UNC5C: variants seen among roughly 807,000 people sequenced by gnomAD.
UNC5C encodes netrin receptor UNC5C.
In UNC5C, 47 loss-of-function variants were observed where a neutral mutation model predicts 99.8. The observed-to-expected ratio is 0.47, with a 90% CI of 0.37 to 0.60. The LOEUF (loss-of-function observed/expected upper bound fraction) is 0.60. Among genes scored for constraint, UNC5C ranks in the 20% least tolerant of loss-of-function variants. UNC5C has a pLI of 0.00. For missense variants in UNC5C, 1,062 were observed against 1,165.9 expected (o/e 0.91, Z 1.30); for synonymous variants, 487 against 452.2 (o/e 1.08, Z -0.98).
At chr4:95,295,351 G>T (rs985996237) in intron 3 of UNC5C, among the ~76,000 whole-genome samples, 2 of 152,134 alleles carry the variant, frequency 1.3e-5, no homozygotes, top group African/African-American at 4.8e-5. Context: ...TAGGAAATTT[G>T]GCACTGCTGT....
chr4:95,538,382 C>T (rs1722831393), intron 1 of UNC5C, among the ~76,000 whole-genome samples: 1 of 152,140 alleles, frequency 6.6e-6, no homozygotes, highest in Admixed American at 6.6e-5. Context: ...TTTGAACATT[C>T]CTTTCCCTAA....
At position 95,289,689 on chromosome 4, in the gene UNC5C, T is replaced by C. The variant is rs183308078; in HGVS notation, c.491-11327A>G. Reference sequence around the variant, plus strand: ...AAATGTATCTTTCTTCCAATAATGATGGAAAGTGCTAATTATGTTGTCATA... The same window carrying C: ...AAATGTATCTTTCTTCCAATAATGACGGAAAGTGCTAATTATGTTGTCATA... On this transcript the variant is annotated intron_variant, in intron 3 of 15. Transcript: ENST00000453304. Among the ~76,000 whole-genome samples, 626 of 152,314 alleles carry C rather than the reference T, an allele frequency of 4.1e-3. 1 individual carries two copies. The highest frequency in any genetic ancestry group is 0.014 in the African/African-American group (601 of 41,576).
intron 1 of UNC5C, among the ~76,000 whole-genome samples, chr4:95,428,642 C>T (rs1746549169): frequency 6.6e-6 from 1 of 152,094 alleles, no homozygotes; most frequent in Admixed American, 6.6e-5. Context: ...TCATTTAAAA[C>T]ACATACCTAT....
In UNC5C at chr4:95,370,951, C is replaced by T. The variant is rs1239805458; in HGVS notation, c.125-35320G>A. Among the ~76,000 whole-genome samples, 7 of 152,098 alleles carry T rather than the reference C, an allele frequency of 4.6e-5. No individual in the cohort carries two copies. In the South Asian group the frequency reaches 6.2e-4, roughly 14 times the overall value. On this transcript the variant is annotated intron_variant, in intron 1 of 15. Coordinates refer to ENST00000453304, the MANE Select transcript of UNC5C (RefSeq NM_003728.4). ...AGCTATAGGTTTAAGCTTGTCTTGACGTTGTTTATCTAGTGATCACAATAC... is the reference window on the plus strand; with the variant it reads ...AGCTATAGGTTTAAGCTTGTCTTGATGTTGTTTATCTAGTGATCACAATAC...
intron 4 of UNC5C, among the ~76,000 whole-genome samples, chr4:95,261,764 C>G (rs1008565363): frequency 1.3e-5 from 2 of 149,886 alleles, no homozygotes; most frequent in African/African-American, 4.9e-5. Context: ...AGTGCGGTGG[C>G]GCGATCTCAG....
Position 95,202,417 on chromosome 4 carries a change from C to T in UNC5C, c.2136+314G>A, listed in dbSNP as rs374642721. Among the ~76,000 whole-genome samples the T allele has an allele frequency of 5.3e-5, 8 of 152,230 alleles. No individual in the cohort carries two copies. In the South Asian group the frequency reaches 6.2e-4, roughly 12 times the overall value. On this transcript the variant is annotated intron_variant, in intron 12 of 15. Transcript: ENST00000453304. The stretch of plus-strand genomic sequence containing the variant: ...ATGCCAATTCCTTTTATAGGAAGAA[C>T]GCAGCTGAGATAAACATGGAAGCAG...
intron 12 of UNC5C, among the ~76,000 whole-genome samples, chr4:95,191,916 C>T (rs1489974437): frequency 1.2e-4 from 16 of 136,670 alleles, no homozygotes; most frequent in African/African-American, 3.6e-4. Context: ...TTCACCCTTC[C>T]CCCTGCCCAC....
chr4:95,511,903 TGGAAGAAGATTCAAG>T (rs2149487634), intron 1 of UNC5C, among the ~76,000 whole-genome samples: 1 of 152,318 alleles, frequency 6.6e-6, no homozygotes, highest in South Asian at 2.1e-4. Flanking sequence ...GGGTATTGTC[TGGAAGAAGATTCAAG>T]GGAAGAAGGT....
chr4:95,518,778 C>T (rs961777563), intron 1 of UNC5C, among the ~76,000 whole-genome samples: 3 of 152,146 alleles, frequency 2.0e-5, no homozygotes, highest in African/African-American at 7.2e-5. Flanking sequence ...ACATTAACAT[C>T]TCTTTGATGA....
chr4:95,536,716 G>GA (rs1262983813), intron 1 of UNC5C, among the ~76,000 whole-genome samples: 1 of 152,034 alleles, frequency 6.6e-6, no homozygotes, highest in East Asian at 1.9e-4. Flanking sequence ...ATTTGAGTCT[G>GA]AAAAAAATAA....
At chr4:95,281,198 C>A (rs540091394) in intron 3 of UNC5C, among the ~76,000 whole-genome samples, 1 of 152,054 alleles carries the variant, frequency 6.6e-6, no homozygotes, top group Non-Finnish European at 1.5e-5. Flanking sequence ...TTAAATTAAT[C>A]AAGATATCAC....
At chr4:95,512,954 A>G (rs1441495693) in intron 1 of UNC5C, among the ~76,000 whole-genome samples, 2 of 152,220 alleles carry the variant, frequency 1.3e-5, no homozygotes, top group African/African-American at 4.8e-5. Context: ...AATTTACATT[A>G]CAGATGCTCT....
intron 1 of UNC5C, among the ~76,000 whole-genome samples, chr4:95,523,765 A>T (rs982388680): frequency 7.9e-5 from 12 of 152,202 alleles, no homozygotes; most frequent in African/African-American, 2.9e-4. Context: ...TTAGCATTCC[A>T]ATTACCAAAT....
chr4:95,395,405 A>G (rs1357719690), intron 1 of UNC5C, among the ~76,000 whole-genome samples: 1 of 152,122 alleles, frequency 6.6e-6, no homozygotes, highest in Non-Finnish European at 1.5e-5. Flanking sequence ...TATGTTCTTT[A>G]TTTTTTAAAA....
intron 1 of UNC5C, among the ~76,000 whole-genome samples, chr4:95,533,872 T>A (rs145793577): frequency 2.1e-3 from 325 of 152,338 alleles, no homozygotes; most frequent in African/African-American, 7.6e-3. Context: ...GTTTTGTTTT[T>A]TCCTCCCTGG....
At position 95,165,539 on chromosome 4, in the gene UNC5C, A is replaced by G. The variant is rs898869086; in HGVS notation, c.*3695T>C. 2.0e-5 allele frequency: 3 copies of G among 152,208 alleles called. No individual in the cohort carries two copies. Among genetic ancestry groups the G allele is most frequent in the Non-Finnish European group, 2.9e-5 (2 of 68,032 alleles). 9.4% of individuals were successfully genotyped at this position (152,208 alleles called of 1,614,324 possible). ...GTTATCAATTCTGAATCCAACTTCT[A>G]TTCCTTCCAGATACATTAAGGAAAC... On this transcript the variant is annotated 3_prime_UTR_variant, in exon 16 of 16. Transcript: ENST00000453304.
At chr4:95,474,804 A>G (rs10005557) in intron 1 of UNC5C, among the ~76,000 whole-genome samples, 6,136 of 152,144 alleles carry the variant, frequency 0.04, 259 homozygotes, top group African/African-American at 0.11. Context: ...ATAGATCAAG[A>G]AAGAGATTTT....
chr4:95,439,870 T>C (rs187328499), intron 1 of UNC5C, among the ~76,000 whole-genome samples: 1 of 152,240 alleles, frequency 6.6e-6, no homozygotes, highest in African/African-American at 2.4e-5. Flanking sequence ...TCTAATTTCA[T>C]GGCACCACTC....
At chr4:95,360,122 T>C (rs1284082153) in intron 1 of UNC5C, among the ~76,000 whole-genome samples, 1 of 152,154 alleles carries the variant, frequency 6.6e-6, no homozygotes, top group African/African-American at 2.4e-5. Flanking sequence ...TATTTATTAG[T>C]TATAGGTCTA....
Sources: allele counts gnomAD v4.1 joint callset (sites outside exome capture counted in the v4.1 genomes callset), GRCh38; gene constraint gnomAD v4.1.1; transcripts MANE v1.5; gene names NCBI Gene and HGNC (gene_info 2026-07-23, HGNC 2026-07-21).